The following FGF14 variants were observed in gnomAD, a reference collection of about 807,000 sequenced individuals.
The protein encoded by FGF14 is fibroblast growth factor 14.
In FGF14, 5 loss-of-function variants were observed where a neutral mutation model predicts 25.5. The observed-to-expected ratio is 0.20, with a 90% confidence interval of 0.10 to 0.41. The LOEUF is 0.41. FGF14 is among the 10% of genes least tolerant of loss of function. The pLI is 1.00. For synonymous variants in FGF14, 138 were observed against 118.3 expected (o/e 1.17, Z -1.08); for missense variants, 222 against 320.1 (o/e 0.69, Z 2.34).
chr13:102,038,693 T>C (rs894582527), intron 1 of FGF14, among the ~76,000 whole-genome samples: 2 of 152,108 alleles, frequency 1.3e-5, no homozygotes, highest in Admixed American at 6.6e-5. Flanking sequence ...TGTGAGACAG[T>C]CAGATCCATT....
intron 3 of FGF14, among the ~76,000 whole-genome samples, chr13:101,748,916 T>C (rs1437832942): frequency 1.3e-5 from 2 of 152,080 alleles, no homozygotes; most frequent in Admixed American, 6.6e-5. Context: ...GCAACCCAAA[T>C]GTCCAGCAAT....
chr13:102,120,589 G>A (rs78579844), intron 1 of FGF14, among the ~76,000 whole-genome samples: 1,861 of 152,190 alleles, frequency 0.012, 39 homozygotes, highest in African/African-American at 0.043. Context: ...TCACAAAGAC[G>A]TCATCCAGAA....
chr13:101,795,965 T>C (rs1307976853), intron 3 of FGF14, among the ~76,000 whole-genome samples: 5 of 152,074 alleles, frequency 3.3e-5, no homozygotes, highest in African/African-American at 1.2e-4. Context: ...ACGATAGAAT[T>C]TAGCTTGTGT....
At chr13:102,100,396 C>T (rs2044602925) in intron 1 of FGF14, among the ~76,000 whole-genome samples, 1 of 151,588 alleles carries the variant, frequency 6.6e-6, no homozygotes, top group African/African-American at 2.4e-5. Context: ...CAATACCAGA[C>T]AAGGAGTTAA....
intron 3 of FGF14, among the ~76,000 whole-genome samples, chr13:101,734,656 T>C (rs2036051233): frequency 6.6e-6 from 1 of 152,184 alleles, no homozygotes; most frequent in African/African-American, 2.4e-5. Context: ...TGTTAATAAC[T>C]ATAATTAACA....
At chr13:102,290,399 G>T (rs2054324333) in intron 1 of FGF14, among the ~76,000 whole-genome samples, 2 of 152,116 alleles carry the variant, frequency 1.3e-5, no homozygotes, top group Non-Finnish European at 1.5e-5. Flanking sequence ...CTTCTGTTTA[G>T]CTTATAAGCT....
At chr13:102,208,333 G>T (rs1188745561) in intron 1 of FGF14, among the ~76,000 whole-genome samples, 1 of 152,144 alleles carries the variant, frequency 6.6e-6, no homozygotes. Context: ...CATTTGTGTT[G>T]GTTGTGTTGC....
chr13:102,079,529 C>T (rs1364244076), intron 1 of FGF14, among the ~76,000 whole-genome samples: 1 of 152,106 alleles, frequency 6.6e-6, no homozygotes, highest in East Asian at 1.9e-4. Context: ...GATCCTCCTG[C>T]CTCAATCTCC....
At chr13:101,871,862 A>G (rs1045919417) in intron 2 of FGF14, among the ~76,000 whole-genome samples, 2 of 151,856 alleles carry the variant, frequency 1.3e-5, no homozygotes, top group African/African-American at 4.8e-5. Flanking sequence ...TTGCTACAGT[A>G]TTTTCTCCAC....
chr13:101,960,742 G>A (rs2036801450), intron 1 of FGF14, among the ~76,000 whole-genome samples: 1 of 152,118 alleles, frequency 6.6e-6, no homozygotes, highest in African/African-American at 2.4e-5. Flanking sequence ...GGTATTTCTG[G>A]TTCTAGGTCT....
intron 3 of FGF14, among the ~76,000 whole-genome samples, chr13:101,727,264 G>C (rs948196680): frequency 6.6e-6 from 1 of 151,996 alleles, no homozygotes; most frequent in Non-Finnish European, 1.5e-5. Flanking sequence ...GAAATCACAG[G>C]GTGATACATT....
At chr13:102,348,049 T>A (rs553150770) in intron 1 of FGF14, among the ~76,000 whole-genome samples, 112 of 149,310 alleles carry the variant, frequency 7.5e-4, no homozygotes, top group Middle Eastern at 3.6e-3. Context: ...CTCATGAGGA[T>A]GTGTGAGTGG....
At chr13:102,035,593 A>G (rs549532028) in intron 1 of FGF14, among the ~76,000 whole-genome samples, 1 of 152,156 alleles carries the variant, frequency 6.6e-6, no homozygotes, top group Non-Finnish European at 1.5e-5. Flanking sequence ...AATGCATTGC[A>G]TTGCTAACTT....
At chr13:101,892,856 G>A (rs568566359) in intron 1 of FGF14, among the ~76,000 whole-genome samples, 8 of 152,256 alleles carry the variant, frequency 5.3e-5, no homozygotes, top group South Asian at 2.1e-4. Flanking sequence ...GCATCACCAC[G>A]GAATGAGGAT....
chr13:102,186,546 T>G (rs564327685), intron 1 of FGF14, among the ~76,000 whole-genome samples: 1 of 152,322 alleles, frequency 6.6e-6, no homozygotes, highest in South Asian at 2.1e-4. Flanking sequence ...AATAAACACA[T>G]TATTTCACTG....
intron 1 of FGF14, among the ~76,000 whole-genome samples, chr13:102,201,375 G>A (rs1442125138): frequency 6.6e-6 from 1 of 152,034 alleles, no homozygotes; most frequent in Non-Finnish European, 1.5e-5. Flanking sequence ...AGAGTTCACA[G>A]GAAAAGAGAA....
At chr13:101,960,456 G>T (rs2036779354) in intron 1 of FGF14, among the ~76,000 whole-genome samples, 1 of 152,104 alleles carries the variant, frequency 6.6e-6, no homozygotes, top group Admixed American at 6.6e-5. Flanking sequence ...AAAACATGTG[G>T]TGTTTGGTTT....
chr13:101,803,916 G>A (rs553208732), intron 3 of FGF14, among the ~76,000 whole-genome samples: 4 of 152,266 alleles, frequency 2.6e-5, no homozygotes, highest in Non-Finnish European at 4.4e-5. Context: ...GCTCGGAAGA[G>A]GAATTTAAGC....
At chr13:102,365,068 T>C (rs1345611128) in intron 1 of FGF14, among the ~76,000 whole-genome samples, 1 of 152,224 alleles carries the variant, frequency 6.6e-6, no homozygotes, top group Admixed American at 6.5e-5. Flanking sequence ...ATTGTGGGAA[T>C]GTAATTTTCC....
Sources: allele counts gnomAD v4.1 joint callset (sites outside exome capture counted in the v4.1 genomes callset), GRCh38; gene constraint gnomAD v4.1.1; transcripts MANE v1.5; gene names NCBI Gene and HGNC (gene_info 2026-07-23, HGNC 2026-07-21).